DPP6: variants seen among roughly 807,000 people sequenced by gnomAD.
DPP6 encodes A-type potassium channel modulatory protein DPP6.
Under a neutral mutation model 122.6 loss-of-function variants are expected in DPP6, and 69 were observed. That is an observed-to-expected ratio of 0.56 (90% CI 0.46 to 0.69). The LOEUF (loss-of-function observed/expected upper bound fraction) is 0.69. DPP6 is among the 30% of genes least tolerant of loss of function. The probability of loss-of-function intolerance (pLI) is 0.00; values close to 1 mark genes in which losing one functional copy is unlikely to be tolerated. For synonymous variants in DPP6, 418 were observed against 433.1 expected (o/e 0.97, Z 0.43); for missense variants, 928 against 1,116.9 (o/e 0.83, Z 2.41).
At chr7:154,630,383 A>G (rs149591834) in intron 5 of DPP6, among the ~76,000 whole-genome samples, 2,829 of 152,340 alleles carry the variant, frequency 0.019, 35 homozygotes, top group Non-Finnish European at 0.03. Flanking sequence ...GGCATTCTCA[A>G]GTTACAAAGT....
intron 16 of DPP6, among the ~76,000 whole-genome samples, chr7:154,847,633 T>C (rs957427127): frequency 6.6e-6 from 1 of 152,226 alleles, no homozygotes; most frequent in Non-Finnish European, 1.5e-5. Flanking sequence ...AATTAACATA[T>C]CTGTCACTTC....
intron 1 of DPP6, among the ~76,000 whole-genome samples, chr7:154,207,368 CA>C (rs1799505048): frequency 6.6e-6 from 1 of 152,140 alleles, no homozygotes; most frequent in South Asian, 2.1e-4. Flanking sequence ...ATATATTTAT[CA>C]ATTGGCATGA....
intron 1 of DPP6, among the ~76,000 whole-genome samples, chr7:154,423,898 A>G (rs982980213): frequency 8.5e-5 from 13 of 152,224 alleles, no homozygotes; most frequent in African/African-American, 3.1e-4. Flanking sequence ...CACAGAGGCA[A>G]AGAAACATAG....
chr7:154,377,440 C>T (rs1813223297), intron 1 of DPP6, among the ~76,000 whole-genome samples: 1 of 152,066 alleles, frequency 6.6e-6, no homozygotes, highest in Non-Finnish European at 1.5e-5. Flanking sequence ...AGTCCAGACT[C>T]TTGATCATTG....
chr7:153,764,883 AT>A, the DPP6 span, among the ~76,000 whole-genome samples: 2 of 151,986 alleles, frequency 1.3e-5, no homozygotes, highest in East Asian at 3.9e-4. Context: ...GCTGCCTGAG[AT>A]TTTTCCAGGT....
intron 1 of DPP6, among the ~76,000 whole-genome samples, chr7:153,910,234 C>CTTTTTTCTTTTTTTTTTTT (rs750065238): frequency 5.8e-5 from 8 of 137,754 alleles, no homozygotes; most frequent in Admixed American, 2.2e-4. Flanking sequence ...TTCTTTCTTT[C>CTTTTTTCTTTTTTTTTTTT]TTTTTTTTTT....
At chr7:154,080,001 C>T (rs535040499) in intron 1 of DPP6, among the ~76,000 whole-genome samples, 3 of 151,074 alleles carry the variant, frequency 2.0e-5, no homozygotes, top group Non-Finnish European at 4.4e-5. Flanking sequence ...AAGAAAGGCA[C>T]CAAATACAAT....
chr7:154,529,987 G>A (rs1006211184), intron 3 of DPP6, among the ~76,000 whole-genome samples: 3 of 151,994 alleles, frequency 2.0e-5, no homozygotes, highest in South Asian at 2.1e-4. Flanking sequence ...TTAGCTGGGC[G>A]TGGTGGCACA....
chr7:154,305,559 T>G, intron 1 of DPP6: 1 of 1,596,266 alleles, frequency 6.3e-7, no homozygotes, highest in Non-Finnish European at 8.5e-7. Context: ...CAGGTAATGC[T>G]GCTTTTGGGG....
At chr7:154,424,223 A>G (rs1384933192) in intron 1 of DPP6, among the ~76,000 whole-genome samples, 4 of 152,242 alleles carry the variant, frequency 2.6e-5, no homozygotes, top group Non-Finnish European at 5.9e-5. Context: ...GTAAAGAAAG[A>G]AAAGTGTTCA....
At chr7:154,134,117 G>T (rs1217735759) in intron 1 of DPP6, among the ~76,000 whole-genome samples, 2 of 152,056 alleles carry the variant, frequency 1.3e-5, no homozygotes, top group Non-Finnish European at 2.9e-5. Context: ...GGGCAGTTTG[G>T]CGTGAATGAG....
chr7:154,310,519 T>G (rs763643923), intron 1 of DPP6, among the ~76,000 whole-genome samples: 11 of 152,224 alleles, frequency 7.2e-5, no homozygotes, highest in Non-Finnish European at 1.5e-4. Context: ...GTGTTTCTGT[T>G]TGGTTTTGTT....
At chr7:154,134,389 T>A (rs1193590496) in intron 1 of DPP6, among the ~76,000 whole-genome samples, 1 of 151,794 alleles carries the variant, frequency 6.6e-6, no homozygotes, top group South Asian at 2.1e-4. Flanking sequence ...AGGTGTGGAG[T>A]TGGGAGAGCA....
chr7:154,523,424 T>G (rs984037613), intron 3 of DPP6, among the ~76,000 whole-genome samples: 5 of 152,242 alleles, frequency 3.3e-5, no homozygotes, highest in Non-Finnish European at 7.4e-5. Context: ...CCCTGAATAC[T>G]AAAACATGCA....
chr7:154,182,822 C>A (rs10245011), intron 1 of DPP6, among the ~76,000 whole-genome samples: 1 of 151,794 alleles, frequency 6.6e-6, no homozygotes, highest in Non-Finnish European at 1.5e-5. Context: ...AGAAGACCAG[C>A]GCATTCCCGA....
At chr7:154,316,349 A>G (rs1379745876) in intron 1 of DPP6, among the ~76,000 whole-genome samples, 1 of 152,220 alleles carries the variant, frequency 6.6e-6, no homozygotes, top group East Asian at 1.9e-4. Flanking sequence ...AGATAAGTGA[A>G]TATTCTCTCA....
intron 7 of DPP6, among the ~76,000 whole-genome samples, chr7:154,709,358 T>G (rs1563127434): frequency 6.7e-6 from 1 of 149,210 alleles, no homozygotes; most frequent in African/African-American, 2.5e-5. Context: ...TTTTTAATGT[T>G]TTGTTGTTGT....
chr7:154,616,976 G>A (rs775136225), intron 5 of DPP6, among the ~76,000 whole-genome samples: 46 of 152,200 alleles, frequency 3.0e-4, no homozygotes, highest in Non-Finnish European at 4.4e-4. Flanking sequence ...GAATCTCCAC[G>A]TGTAGCTGAT....
intron 1 of DPP6, among the ~76,000 whole-genome samples, chr7:153,967,726 G>A (rs925748146): frequency 5.9e-5 from 9 of 152,012 alleles, no homozygotes; most frequent in Admixed American, 2.0e-4. Context: ...GTGTGCATGC[G>A]AGATAGTTTT....
Sources: allele counts gnomAD v4.1 joint callset (sites outside exome capture counted in the v4.1 genomes callset), GRCh38; gene constraint gnomAD v4.1.1; transcripts MANE v1.5; gene names NCBI Gene and HGNC (gene_info 2026-07-23, HGNC 2026-07-21).